CHST11: variants seen among roughly 807,000 people sequenced by gnomAD.
CHST11 encodes the protein C4S-1.
A neutral mutation model predicts 30.4 loss-of-function variants in CHST11; 9 were observed. That is an observed-to-expected ratio of 0.30 (90% CI 0.18 to 0.52). The LOEUF is 0.52. Among genes scored for constraint, CHST11 ranks in the 20% least tolerant of loss-of-function variants. The pLI is 0.97. For missense variants in CHST11, 348 were observed against 460.6 expected (o/e 0.76, Z 2.24); for synonymous variants, 152 against 187.8 (o/e 0.81, Z 1.56).
At chr12:104,710,317 C>T (rs7314471) in intron 2 of CHST11, among the ~76,000 whole-genome samples, 12 of 152,144 alleles carry the variant, frequency 7.9e-5, no homozygotes, top group African/African-American at 1.2e-4. Context: ...ATTCTTGCAC[C>T]GCTGGCGTGG....
At chr12:104,690,777 A>G (rs188202359) in intron 2 of CHST11, among the ~76,000 whole-genome samples, 1 of 152,296 alleles carries the variant, frequency 6.6e-6, no homozygotes, top group Non-Finnish European at 1.5e-5. Flanking sequence ...GCAGTGAGCC[A>G]GGATTGCACC....
chr12:104,580,853 A>G (rs574736121), intron 1 of CHST11, among the ~76,000 whole-genome samples: 1 of 152,134 alleles, frequency 6.6e-6, no homozygotes, highest in Non-Finnish European at 1.5e-5. Context: ...TGGCTTCCCA[A>G]AGTGCTGGGA....
chr12:104,627,498 C>T (rs1038489774), intron 2 of CHST11, among the ~76,000 whole-genome samples: 1 of 152,210 alleles, frequency 6.6e-6, no homozygotes, highest in African/African-American at 2.4e-5. Context: ...AGCGCATACT[C>T]TCCCCAGAGT....
intron 2 of CHST11, among the ~76,000 whole-genome samples, chr12:104,618,652 G>T (rs1316234501): frequency 6.6e-6 from 1 of 152,138 alleles, no homozygotes; most frequent in Non-Finnish European, 1.5e-5. Context: ...TTTAAGAGAA[G>T]TTTCTTTTGC....
chr12:104,707,388 A>C (rs1183016423), intron 2 of CHST11, among the ~76,000 whole-genome samples: 1 of 152,242 alleles, frequency 6.6e-6, no homozygotes, highest in Non-Finnish European at 1.5e-5. Flanking sequence ...ACTGGCATTT[A>C]AAAAGTGAAA....
intron 2 of CHST11, among the ~76,000 whole-genome samples, chr12:104,641,107 G>A (rs987424084): frequency 4.6e-5 from 7 of 152,074 alleles, no homozygotes; most frequent in Non-Finnish European, 7.4e-5. Flanking sequence ...TGGACTCCAG[G>A]GGAAAATTAC....
chr12:104,702,271 A>C (rs1171185674), intron 2 of CHST11, among the ~76,000 whole-genome samples: 1 of 152,234 alleles, frequency 6.6e-6, no homozygotes. Context: ...ACAATTACTG[A>C]GTACTACTGC....
chr12:104,538,533 G>A (rs900762727), intron 1 of CHST11, among the ~76,000 whole-genome samples: 1 of 152,166 alleles, frequency 6.6e-6, no homozygotes, highest in Non-Finnish European at 1.5e-5. Context: ...AAGTTATGGA[G>A]AATGTTAAAG....
At chr12:104,669,137 C>A (rs1171707422) in intron 2 of CHST11, among the ~76,000 whole-genome samples, 4 of 152,204 alleles carry the variant, frequency 2.6e-5, no homozygotes, top group Non-Finnish European at 5.9e-5. Context: ...CACAATCGCC[C>A]GCTGTGTCTC....
At chr12:104,573,792 A>G (rs984565466) in intron 1 of CHST11, among the ~76,000 whole-genome samples, 1 of 152,266 alleles carries the variant, frequency 6.6e-6, no homozygotes, top group African/African-American at 2.4e-5. Context: ...TTTAGGACAT[A>G]GGCACAGGCA....
intron 2 of CHST11, among the ~76,000 whole-genome samples, chr12:104,717,583 C>T (rs2040140895): frequency 6.6e-6 from 1 of 152,048 alleles, no homozygotes; most frequent in African/African-American, 2.4e-5. Context: ...ACCAGCCTAG[C>T]AAATATAGTG....
intron 1 of CHST11, among the ~76,000 whole-genome samples, chr12:104,592,645 C>G (rs1208162657): frequency 6.6e-6 from 1 of 152,198 alleles, no homozygotes; most frequent in East Asian, 1.9e-4. Flanking sequence ...TTCTCTTGCT[C>G]AGTCAGAATC....
At chr12:104,493,996 T>G (rs2037775226) in intron 1 of CHST11, among the ~76,000 whole-genome samples, 1 of 152,166 alleles carries the variant, frequency 6.6e-6, no homozygotes, top group South Asian at 2.1e-4. Context: ...GGTAATCTTT[T>G]GAGATCTCAC....
chr12:104,722,096 C>T lies in CHST11; in HGVS notation c.205-34853C>T, dbSNP rs567423230. 7.3e-5 allele frequency among the ~76,000 whole-genome samples: 11 copies of T among 151,660 alleles called. No individual in the cohort carries two copies. In the East Asian group the frequency reaches 1.9e-3, roughly 27 times the overall value. ...CTGGACCTCCCAGGCTCAAACCATC[C>T]GCTCCCCTCAGTCCCTGGAGTAGCT... On this transcript the variant is annotated intron_variant, in intron 2 of 2. Transcript: ENST00000303694.
chr12:104,728,298 A>G (rs2040231394), intron 2 of CHST11, among the ~76,000 whole-genome samples: 1 of 152,214 alleles, frequency 6.6e-6, no homozygotes, highest in Non-Finnish European at 1.5e-5. Flanking sequence ...ATGTAAAGCA[A>G]AGCCCGGAGG....
intron 1 of CHST11, among the ~76,000 whole-genome samples, chr12:104,559,263 G>T (rs919444299): frequency 3.3e-5 from 5 of 152,192 alleles, no homozygotes; most frequent in Admixed American, 3.3e-4. Context: ...TGTATCCCCA[G>T]AGCCTAGCAC....
chr12:104,462,536 T>C (rs1458626680), intron 1 of CHST11, among the ~76,000 whole-genome samples: 2 of 152,178 alleles, frequency 1.3e-5, no homozygotes, highest in Admixed American at 6.5e-5. Flanking sequence ...ATTATTTTTT[T>C]TGCTGTGGTT....
chr12:104,647,291 G>A (rs1298499750), intron 2 of CHST11, among the ~76,000 whole-genome samples: 1 of 152,186 alleles, frequency 6.6e-6, no homozygotes, highest in Admixed American at 6.5e-5. Flanking sequence ...TTTCCTGATG[G>A]AAGCCAACTG....
intron 1 of CHST11, among the ~76,000 whole-genome samples, chr12:104,462,623 G>A (rs1418765454): frequency 6.6e-6 from 1 of 152,076 alleles, no homozygotes; most frequent in African/African-American, 2.4e-5. Flanking sequence ...ATTTGTAGGG[G>A]CTGTTCTTAT....
Sources: gnomAD v4.1 joint callset for allele counts (sites outside exome capture counted in the v4.1 genomes callset) on GRCh38, gnomAD v4.1.1 for gene constraint, MANE v1.5 for transcripts, NCBI Gene and HGNC (gene_info 2026-07-23, HGNC 2026-07-21) for gene names.